MACO1: variants seen among roughly 807,000 people sequenced by gnomAD.
The protein encoded by MACO1 is macoilin 1, also known as macoilin.
Under a neutral mutation model 78.7 loss-of-function variants are expected in MACO1, and 14 were observed. The ratio of observed to expected loss-of-function variants is 0.18; its 90% CI spans 0.12 to 0.28. The LOEUF is 0.28. MACO1 is among the 10% of genes least tolerant of loss of function. MACO1 has a pLI of 1.00. For missense variants in MACO1, 501 were observed against 799.0 expected (o/e 0.63, Z 4.50); for synonymous variants, 288 against 291.6 (o/e 0.99, Z 0.12).
intron 5 of MACO1, among the ~76,000 whole-genome samples, chr1:25,457,717 A>C (rs2043133603): frequency 6.6e-6 from 1 of 152,138 alleles, no homozygotes; most frequent in African/African-American, 2.4e-5. Context: ...TGAAAGTTGA[A>C]AGTTTGAGGT....
At chr1:25,459,898 A>G (rs1207457630) in intron 6 of MACO1, among the ~76,000 whole-genome samples, 1 of 152,158 alleles carries the variant, frequency 6.6e-6, no homozygotes, top group Non-Finnish European at 1.5e-5. Context: ...TAATTTGGAA[A>G]CTGAGATCTA....
chr1:25,469,489 G>A (rs1446973381), intron 6 of MACO1, among the ~76,000 whole-genome samples: 1 of 152,076 alleles, frequency 6.6e-6, no homozygotes, highest in East Asian at 1.9e-4. Context: ...TGTTAAAAAC[G>A]ATCAGCTTTC....
intron 4 of MACO1, among the ~76,000 whole-genome samples, chr1:25,454,789 T>G (rs1176382339): frequency 1.3e-5 from 2 of 152,068 alleles, no homozygotes; most frequent in African/African-American, 2.4e-5. Flanking sequence ...GCCAGTATTA[T>G]ATATATTCTT....
chr1:25,491,944 A>C (rs992088678), intron 10 of MACO1, among the ~76,000 whole-genome samples: 1 of 152,070 alleles, frequency 6.6e-6, no homozygotes, highest in Admixed American at 6.6e-5. Flanking sequence ...TAGTCTGGGG[A>C]ATTGGAGAGG....
intron 6 of MACO1, among the ~76,000 whole-genome samples, chr1:25,477,955 CTG>C (rs2043337104): frequency 6.6e-6 from 1 of 152,168 alleles, no homozygotes; most frequent in South Asian, 2.1e-4. Context: ...TACTTAAATA[CTG>C]TGTTTCAGCT....
At chr1:25,440,506 C>T (rs1245404538) in intron 1 of MACO1, among the ~76,000 whole-genome samples, 2 of 151,726 alleles carry the variant, frequency 1.3e-5, no homozygotes, top group Non-Finnish European at 2.9e-5. Flanking sequence ...CAGTGGCTCA[C>T]GCCTGTAATC....
intron 1 of MACO1, among the ~76,000 whole-genome samples, chr1:25,437,083 A>C (rs994042832): frequency 6.6e-6 from 1 of 151,984 alleles, no homozygotes; most frequent in Admixed American, 6.5e-5. Flanking sequence ...GTGGCTAGAA[A>C]TAATCTCATT....
intron 6 of MACO1, among the ~76,000 whole-genome samples, chr1:25,474,981 T>C (rs1180045766): frequency 6.6e-6 from 1 of 152,174 alleles, no homozygotes; most frequent in Non-Finnish European, 1.5e-5. Flanking sequence ...AGCTAGAGAA[T>C]CTAAATTTAG....
chr1:25,455,737 G>C (rs902390876), intron 4 of MACO1, among the ~76,000 whole-genome samples: 1 of 152,134 alleles, frequency 6.6e-6, no homozygotes, highest in African/African-American at 2.4e-5. Context: ...TTATTTAAAT[G>C]ATTCTTGAAT....
At chr1:25,449,062 A>G (rs973601328) in intron 3 of MACO1, 128 bp downstream of exon 3, 5 of 736,920 alleles carry the variant, frequency 6.8e-6, no homozygotes, top group Non-Finnish European at 9.4e-6. Flanking sequence ...TTTTCTTAAT[A>G]GGTTATAATA....
intron 4 of MACO1, 82 bp downstream of exon 4, chr1:25,454,464 G>GTAGA: frequency 5.6e-6 from 1 of 177,412 alleles, no homozygotes; most frequent in Non-Finnish European, 8.0e-6. Context: ...GTGTGTGTGT[G>GTAGA]TGTGTGTATA....
chr1:25,448,392 A>C (rs981616891), intron 2 of MACO1, among the ~76,000 whole-genome samples: 1 of 152,028 alleles, frequency 6.6e-6, no homozygotes, highest in Non-Finnish European at 1.5e-5. Context: ...TGAACCCGGG[A>C]GGTGGAGGTT....
intron 1 of MACO1, among the ~76,000 whole-genome samples, chr1:25,431,678 C>A (rs564226207): frequency 6.6e-6 from 1 of 152,108 alleles, no homozygotes; most frequent in Non-Finnish European, 1.5e-5. Context: ...CCTCGTTCCC[C>A]CAAGCTGCCA....
At chr1:25,453,457 A>G (rs2043086118) in intron 3 of MACO1, among the ~76,000 whole-genome samples, 1 of 151,076 alleles carries the variant, frequency 6.6e-6, no homozygotes, top group African/African-American at 2.4e-5. Context: ...AGGTCAGCAG[A>G]TGGAGACCAT....
intron 6 of MACO1, among the ~76,000 whole-genome samples, chr1:25,475,930 T>C (rs1006579353): frequency 6.6e-6 from 1 of 152,228 alleles, no homozygotes; most frequent in Non-Finnish European, 1.5e-5. Flanking sequence ...CATTGGTGAT[T>C]TTTTAATGAT....
At chr1:25,450,067 C>T (rs2043051811) in intron 3 of MACO1, among the ~76,000 whole-genome samples, 1 of 152,082 alleles carries the variant, frequency 6.6e-6, no homozygotes, top group African/African-American at 2.4e-5. Context: ...ATTAAGGGCC[C>T]TACCAGACCA....
intron 6 of MACO1, among the ~76,000 whole-genome samples, chr1:25,470,839 C>T (rs559260691): frequency 1.3e-5 from 2 of 152,010 alleles, no homozygotes; most frequent in African/African-American, 4.8e-5. Flanking sequence ...ACCAGCCTGG[C>T]CAACATGGCG....
At chr1:25,466,556 A>C (rs921293343) in intron 6 of MACO1, among the ~76,000 whole-genome samples, 1 of 152,100 alleles carries the variant, frequency 6.6e-6, no homozygotes, top group African/African-American at 2.4e-5. Flanking sequence ...CAGGTGATCC[A>C]CCTGCCTCGG....
chr1:25,484,269 G>C lies in MACO1; in HGVS notation c.1308G>C (p.Gln436His). Residue 436 changes from glutamine to histidine, a missense_variant, in exon 7 of 11, where the codon CAG becomes CAC. Around this residue, in one of 5 missense-constraint regions of MACO1, gnomAD observed 163 missense variants for 271.9 expected, o/e 0.60. Coordinates refer to ENST00000374343, the MANE Select transcript of MACO1 (RefSeq NM_018202.6). ...TTCGGCAGGAGAACGAGCTGCTGCA[G>C]AACAAGTACGTGCACCTTTCAGGCC... ...GQLRQENELL[Q>H]NKLHNAVQMK... The C allele has an allele frequency of 6.2e-7, 1 of 1,608,758 alleles. No homozygotes were observed. The highest frequency in any genetic ancestry group is 8.5e-7 in the Non-Finnish European group (1 of 1,178,176).
Sources: allele counts gnomAD v4.1 joint callset (sites outside exome capture counted in the v4.1 genomes callset), GRCh38; gene constraint gnomAD v4.1.1; regional missense constraint gnomAD v4.1.1; transcripts MANE v1.5; gene names NCBI Gene and HGNC (gene_info 2026-07-23, HGNC 2026-07-21).